The following ST7 variants were observed in gnomAD, a reference collection of about 807,000 sequenced individuals.
The protein encoded by ST7 is suppressor of tumorigenicity 7 protein.
A neutral mutation model predicts 78.7 loss-of-function variants in ST7; 28 were observed. That is an observed-to-expected ratio of 0.36 (90% CI 0.26 to 0.49). The LOEUF is 0.49. Among genes scored for constraint, ST7 ranks in the 20% least tolerant of loss-of-function variants. The probability of loss-of-function intolerance (pLI) is 0.99; values close to 1 mark genes in which losing one functional copy is unlikely to be tolerated. For synonymous variants in ST7, 247 were observed against 249.6 expected, an observed-to-expected ratio of 0.99 and a Z score of 0.10; for missense variants, 418 against 696.0, an observed-to-expected ratio of 0.60 and a Z score of 4.49.
At chr7:117,064,341 A>G (rs1313225265) in intron 1 of ST7, among the ~76,000 whole-genome samples, 1 of 152,214 alleles carries the variant, frequency 6.6e-6, no homozygotes, top group African/African-American at 2.4e-5. Flanking sequence ...ATATCAAGGT[A>G]ATTAAAAAAC....
intron 2 of ST7, among the ~76,000 whole-genome samples, chr7:117,117,213 T>A (rs1168657096): frequency 3.9e-5 from 6 of 152,164 alleles, no homozygotes; most frequent in African/African-American, 9.7e-5. Context: ...TTTTTAGCGC[T>A]GACACTTTAT....
chr7:117,189,429 G>C (rs780716672), intron 11 of ST7, 36 bp downstream of exon 11: 2 of 1,509,422 alleles, frequency 1.3e-6, no homozygotes, highest in South Asian at 2.5e-5. Context: ...ACTAATGCCT[G>C]ACCGGAATTG....
At chr7:117,134,725 T>C (rs554569273) in intron 7 of ST7, among the ~76,000 whole-genome samples, 1 of 152,194 alleles carries the variant, frequency 6.6e-6, no homozygotes, top group Admixed American at 6.6e-5. Flanking sequence ...AGTTATTTTC[T>C]CCAGTGAATC....
intron 15 of ST7, among the ~76,000 whole-genome samples, chr7:117,224,552 T>G (rs1022306529): frequency 2.0e-5 from 3 of 152,204 alleles, no homozygotes; most frequent in Non-Finnish European, 2.9e-5. Flanking sequence ...ATGTTTTCTG[T>G]TTTTCTGTTA....
chr7:117,064,430 T>G (rs1798524472), intron 1 of ST7, among the ~76,000 whole-genome samples: 1 of 152,180 alleles, frequency 6.6e-6, no homozygotes, highest in African/African-American at 2.4e-5. Flanking sequence ...TTAATTAACT[T>G]GAGAAAAGTC....
In ST7 at chr7:116,953,508, A is replaced by G. The variant is rs778870159; in HGVS notation, c.-33A>G. The G allele has an allele frequency of 3.1e-6, 4 of 1,291,512 alleles. No individual in the cohort carries two copies. The East Asian group carries it at 1.1e-4, about 36-fold the overall frequency. The allele number at this position is 1,291,512 out of a possible 1,614,324, so 80.0% of individuals were successfully genotyped here. ...CCGGTGAATCATCCCGGCAGACACC[A>G]AGAGCCGCGGCAGCAGAGAGGAGCG... On this transcript the variant is annotated 5_prime_UTR_variant, in exon 1 of 16. Coordinates refer to ENST00000323984, the MANE Select transcript of ST7 (RefSeq NM_001369598.1).
intron 12 of ST7, among the ~76,000 whole-genome samples, chr7:117,202,748 G>A (rs1384526798): frequency 6.6e-6 from 1 of 152,182 alleles, no homozygotes; most frequent in Non-Finnish European, 1.5e-5. Flanking sequence ...GCCTATGGCA[G>A]TGATTTCCAA....
intron 1 of ST7, among the ~76,000 whole-genome samples, chr7:117,087,501 G>A (rs1800247857): frequency 6.6e-6 from 1 of 152,140 alleles, no homozygotes; most frequent in African/African-American, 2.4e-5. Flanking sequence ...AAAGTTTGGT[G>A]TAAGAATGAA....
intron 9 of ST7, among the ~76,000 whole-genome samples, chr7:117,160,651 G>GTA (rs1197120822): frequency 7.3e-6 from 1 of 137,608 alleles, no homozygotes; most frequent in African/African-American, 3.2e-5. Context: ...TTGTGTGTGT[G>GTA]TGTATATATA....
chr7:117,223,214 A>G, intron 15 of ST7: 1 of 547,438 alleles, frequency 1.8e-6, no homozygotes, highest in South Asian at 2.1e-5. Flanking sequence ...TTCCCAAAGC[A>G]TCCCTCTTAG....
intron 3 of ST7, among the ~76,000 whole-genome samples, chr7:117,120,466 A>G (rs1022664620): frequency 6.6e-6 from 1 of 152,178 alleles, no homozygotes; most frequent in Non-Finnish European, 1.5e-5. Context: ...ATTCCTTAGC[A>G]CAGCATGAGC....
In ST7 at chr7:117,189,361, T is replaced by C. The variant is rs1440506324; in HGVS notation, c.1119T>C (p.Ala373=). The C allele has an allele frequency of 1.9e-6, 3 of 1,609,390 alleles. No homozygotes were observed. Among genetic ancestry groups the C allele is most frequent in the Admixed American group, 1.7e-5 (1 of 59,658 alleles). ...LPKSATICYT[A]ALLKARAVSD... ...AGTCAGCAACAATATGCTACACAGC[T>C]GCTTTGCTCAAAGCAAGAGCTGTCT... The change falls in exon 11 of 16, where the codon GCT becomes GCC. Residue 373 remains alanine, a synonymous_variant. Transcript: ENST00000323984.
chr7:117,055,714 C>T (rs1003173024), intron 1 of ST7, among the ~76,000 whole-genome samples: 2 of 152,184 alleles, frequency 1.3e-5, no homozygotes, highest in African/African-American at 4.8e-5. Context: ...GGGTAAATTA[C>T]AAGTCTCCCC....
At chr7:116,969,495 A>C (rs970784389) in intron 1 of ST7, among the ~76,000 whole-genome samples, 2 of 152,198 alleles carry the variant, frequency 1.3e-5, no homozygotes, top group African/African-American at 4.8e-5. Flanking sequence ...CACTGTTGAT[A>C]TTGACCTTGA....
chr7:116,989,148 A>G (rs1014202261), intron 1 of ST7, among the ~76,000 whole-genome samples: 2 of 152,228 alleles, frequency 1.3e-5, no homozygotes, highest in African/African-American at 4.8e-5. Flanking sequence ...TTCAAAATGT[A>G]TTGAATATAA....
chr7:117,001,673 C>G (rs1055860130), intron 1 of ST7, among the ~76,000 whole-genome samples: 11 of 152,158 alleles, frequency 7.2e-5, no homozygotes, highest in Middle Eastern at 3.4e-3. Flanking sequence ...ATTTTTGATA[C>G]AGTTTAGTGT....
chr7:116,997,039 T>C lies in ST7; in HGVS notation c.151+43348T>C, dbSNP rs118019010. 4.6e-4 allele frequency among the ~76,000 whole-genome samples: 70 copies of C among 152,244 alleles called. 2 individuals carry two copies. The East Asian group carries it at 8.3e-3, about 18-fold the overall frequency. ...AAGCCACGGACCCTCATGGTGAGCG[T>C]TACAGTTCACAAAGGTGGCGTGTCC... is the stretch of plus-strand genomic sequence containing the variant. On this transcript the variant is annotated intron_variant, in intron 1 of 15. Coordinates refer to ENST00000323984, the MANE Select transcript of ST7 (RefSeq NM_001369598.1).
chr7:116,960,795 T>C (rs1401463377), intron 1 of ST7, among the ~76,000 whole-genome samples: 2 of 152,240 alleles, frequency 1.3e-5, no homozygotes, highest in Non-Finnish European at 2.9e-5. Context: ...GTTGATAGTT[T>C]CTGTTGCTGT....
In ST7 at chr7:117,011,908, A is replaced by G. The variant is rs140745832; in HGVS notation, c.151+58217A>G. On this transcript the variant is annotated intron_variant, in intron 1 of 15. Transcript: ENST00000323984. Reference sequence around the variant, plus strand: ...GAGGTGGGTGGAGGGATCTAGTTGAAGGCTCTCCTGTTGAGCTTTGAATTT... The same window carrying G: ...GAGGTGGGTGGAGGGATCTAGTTGAGGGCTCTCCTGTTGAGCTTTGAATTT... Among the ~76,000 whole-genome samples the G allele has an allele frequency of 1.8e-3, 276 of 152,252 alleles. 2 individuals carry two copies. Among genetic ancestry groups the G allele is most frequent in the Middle Eastern group, 0.014 (4 of 294 alleles).
Sources: allele counts gnomAD v4.1 joint callset (sites outside exome capture counted in the v4.1 genomes callset), GRCh38; gene constraint gnomAD v4.1.1; transcripts MANE v1.5; gene names NCBI Gene and HGNC (gene_info 2026-07-23, HGNC 2026-07-21).